RNF152: variants seen among roughly 807,000 people sequenced by gnomAD.
The protein encoded by RNF152 is ring finger protein 152, also known as E3 ubiquitin-protein ligase RNF152.
A neutral mutation model predicts 12.7 loss-of-function variants in RNF152; 11 were observed. That is an observed-to-expected ratio of 0.86 (90% CI 0.54 to 1.43). RNF152 has a LOEUF of 1.43. Among genes scored for constraint, RNF152 ranks in the 40% most tolerant of loss-of-function variants. RNF152 has a pLI of 0.00. For synonymous variants in RNF152, 113 were observed against 120.3 expected (o/e 0.94, Z 0.40); for missense variants, 255 against 274.8 (o/e 0.93, Z 0.51).
intron 1 of RNF152, among the ~76,000 whole-genome samples, chr18:61,843,741 T>A (rs1458242603): frequency 6.6e-6 from 1 of 152,194 alleles, no homozygotes; most frequent in Non-Finnish European, 1.5e-5. Flanking sequence ...CATGAGGTAC[T>A]TACAGTAGTC....
chr18:61,832,320 A>C (rs1029911902), intron 1 of RNF152, among the ~76,000 whole-genome samples: 1 of 152,188 alleles, frequency 6.6e-6, no homozygotes, highest in Non-Finnish European at 1.5e-5. Context: ...TTAAGCGCAC[A>C]TGTATATATG....
At chr18:61,839,469 T>G (rs557114430) in intron 1 of RNF152, among the ~76,000 whole-genome samples, 1 of 152,202 alleles carries the variant, frequency 6.6e-6, no homozygotes, top group Non-Finnish European at 1.5e-5. Flanking sequence ...GGTTTTTACT[T>G]TTATTTTAGA....
chr18:61,818,916 T>C (rs1481967902), intron 1 of RNF152, among the ~76,000 whole-genome samples: 2 of 152,100 alleles, frequency 1.3e-5, no homozygotes, highest in Non-Finnish European at 2.9e-5. Flanking sequence ...ACTTAGACAA[T>C]TGTAACGTAA....
In RNF152 at chr18:61,886,705, C is replaced by A. The variant is rs549198362; in HGVS notation, c.-136+6090G>T. ...AAATGTGGCTTGATGACAAGACATC[C>A]TGGGACATCTCTTCAATTCACCTCC... On this transcript the variant is annotated intron_variant, in intron 1 of 1. Coordinates refer to ENST00000312828, the MANE Select transcript of RNF152 (RefSeq NM_173557.3). 3.0e-4 allele frequency among the ~76,000 whole-genome samples: 46 copies of A among 152,308 alleles called. 1 individual carries two copies. In the South Asian group the frequency reaches 9.5e-3, roughly 32 times the overall value.
chr18:61,837,385 G>T (rs1298705157), intron 1 of RNF152, among the ~76,000 whole-genome samples: 2 of 152,164 alleles, frequency 1.3e-5, no homozygotes, highest in African/African-American at 4.8e-5. Context: ...GAATTAATGT[G>T]AATTTCTTAG....
At chr18:61,830,857 G>A (rs548414151) in intron 1 of RNF152, among the ~76,000 whole-genome samples, 2 of 152,300 alleles carry the variant, frequency 1.3e-5, no homozygotes, top group South Asian at 4.1e-4. Flanking sequence ...TCAGTGAAGA[G>A]AGTGGCATCT....
At chr18:61,845,383 C>T (rs1321805510) in intron 1 of RNF152, among the ~76,000 whole-genome samples, 1 of 152,224 alleles carries the variant, frequency 6.6e-6, no homozygotes, top group Non-Finnish European at 1.5e-5. Flanking sequence ...TCTCGCCAAG[C>T]CCACACATCA....
At chr18:61,844,259 A>G (rs1910650977) in intron 1 of RNF152, among the ~76,000 whole-genome samples, 1 of 151,912 alleles carries the variant, frequency 6.6e-6, no homozygotes, top group Non-Finnish European at 1.5e-5. Context: ...CAGGCCCCAT[A>G]GTATCTAGGA....
intron 1 of RNF152, among the ~76,000 whole-genome samples, chr18:61,824,090 T>G (rs1909545995): frequency 1.3e-5 from 2 of 152,254 alleles, no homozygotes; most frequent in Non-Finnish European, 2.9e-5. Flanking sequence ...CAAAGTATAT[T>G]GGAATCTAGA....
chr18:61,866,524 C>A (rs1484716773), intron 1 of RNF152, among the ~76,000 whole-genome samples: 4 of 152,164 alleles, frequency 2.6e-5, no homozygotes, highest in Admixed American at 6.5e-5. Context: ...AAGAGTGAGG[C>A]CACACACCCC....
chr18:61,826,796 G>T (rs1365106567), intron 1 of RNF152, among the ~76,000 whole-genome samples: 1 of 152,208 alleles, frequency 6.6e-6, no homozygotes. Context: ...TGCTCTAACA[G>T]TGGTTACCTT....
intron 1 of RNF152, among the ~76,000 whole-genome samples, chr18:61,868,275 C>T (rs1001000269): frequency 6.6e-6 from 1 of 152,186 alleles, no homozygotes; most frequent in Admixed American, 6.5e-5. Flanking sequence ...TTCTCTTTTC[C>T]TCCTAGCTTA....
At chr18:61,845,210 C>CAA (rs1910693676) in intron 1 of RNF152, among the ~76,000 whole-genome samples, 1 of 152,234 alleles carries the variant, frequency 6.6e-6, no homozygotes, top group Non-Finnish European at 1.5e-5. Context: ...ATCAGCCTCC[C>CAA]AAAGCAATGG....
intron 1 of RNF152, among the ~76,000 whole-genome samples, chr18:61,859,586 C>T (rs1219637815): frequency 6.6e-6 from 1 of 152,134 alleles, no homozygotes; most frequent in African/African-American, 2.4e-5. Context: ...AGTTTGAAAT[C>T]CTGACACCTA....
At chr18:61,868,107 C>A (rs1948024035) in intron 1 of RNF152, among the ~76,000 whole-genome samples, 1 of 152,178 alleles carries the variant, frequency 6.6e-6, no homozygotes, top group South Asian at 2.1e-4. Flanking sequence ...CTTTTCCTGG[C>A]TCCTCTCTCC....
intron 1 of RNF152, among the ~76,000 whole-genome samples, chr18:61,863,891 T>G (rs1388661418): frequency 6.6e-6 from 1 of 152,210 alleles, no homozygotes; most frequent in Non-Finnish European, 1.5e-5. Flanking sequence ...TGAACAGCAC[T>G]GATGATAAGG....
At chr18:61,879,343 A>G (rs1476215063) in intron 1 of RNF152, among the ~76,000 whole-genome samples, 1 of 152,220 alleles carries the variant, frequency 6.6e-6, no homozygotes, top group Non-Finnish European at 1.5e-5. Flanking sequence ...GTGACGATTT[A>G]AAGTATACAC....
At chr18:61,843,435 C>A (rs1910542941) in intron 1 of RNF152, among the ~76,000 whole-genome samples, 2 of 152,222 alleles carry the variant, frequency 1.3e-5, no homozygotes, top group African/African-American at 4.8e-5. Flanking sequence ...TATCATCCAG[C>A]AATTCCACCT....
chr18:61,823,237 A>G (rs1417450580), intron 1 of RNF152, among the ~76,000 whole-genome samples: 1 of 152,248 alleles, frequency 6.6e-6, no homozygotes, highest in Non-Finnish European at 1.5e-5. Context: ...TCCTCCTATG[A>G]GCATCCTGGT....
Sources: gnomAD v4.1 joint callset for allele counts (sites outside exome capture counted in the v4.1 genomes callset) on GRCh38, gnomAD v4.1.1 for gene constraint, MANE v1.5 for transcripts, NCBI Gene and HGNC (gene_info 2026-07-23, HGNC 2026-07-21) for gene names.